SLCO1B1: variants seen among roughly 807,000 people sequenced by gnomAD.
The protein encoded by SLCO1B1 is OATP-2.
Under a neutral mutation model 70.1 loss-of-function variants are expected in SLCO1B1, and 81 were observed. The ratio of observed to expected loss-of-function variants is 1.16; its 90% CI spans 0.97 to 1.39. SLCO1B1 has a LOEUF of 1.39. Among genes scored for constraint, SLCO1B1 ranks in the 40% most tolerant of loss-of-function variants. SLCO1B1 has a pLI of 0.00. For missense variants in SLCO1B1, 895 were observed against 799.6 expected (o/e 1.12, Z -1.44); for synonymous variants, 283 against 271.5 (o/e 1.04, Z -0.42).
At chr12:21,163,942 G>GA (rs10718437) in intron 2 of SLCO1B1, among the ~76,000 whole-genome samples, 184 of 146,268 alleles carry the variant, frequency 1.3e-3, no homozygotes, top group East Asian at 3.4e-3. Flanking sequence ...ACAAATCACT[G>GA]AAAAAAAAAA....
chr12:21,199,605 A>T (rs1458046571), intron 8 of SLCO1B1, among the ~76,000 whole-genome samples: 1 of 152,170 alleles, frequency 6.6e-6, no homozygotes, highest in African/African-American at 2.4e-5. Flanking sequence ...CTGAGTCCTC[A>T]TACTAAATTA....
intron 14 of SLCO1B1, among the ~76,000 whole-genome samples, chr12:21,234,523 G>A (rs977418490): frequency 7.2e-5 from 11 of 151,998 alleles, no homozygotes; most frequent in East Asian, 1.9e-4. Context: ...TTTTAAACTC[G>A]AAGCTATAAA....
intron 12 of SLCO1B1, among the ~76,000 whole-genome samples, chr12:21,220,705 G>A (rs1358502257): frequency 6.6e-6 from 1 of 151,886 alleles, no homozygotes; most frequent in Non-Finnish European, 1.5e-5. Flanking sequence ...ATAAGTAACT[G>A]TGTCAAGGGC....
At position 21,142,637 on chromosome 12, in the gene SLCO1B1, A is replaced by G. The variant is rs944312435; in HGVS notation, c.84+979A>G. Among the ~76,000 whole-genome samples, 7 of 152,120 alleles carry G rather than the reference A, an allele frequency of 4.6e-5. No individual in the cohort carries two copies. In the South Asian group the frequency reaches 1.4e-3, roughly 32 times the overall value. ...TGTTTGTTTTCTGAGATTACTGATA[A>G]AGCCTTCTCTGATGAAATATTTGAG... is the stretch of plus-strand genomic sequence containing the variant. On this transcript the variant is annotated intron_variant, in intron 2 of 14. Transcript: ENST00000256958.
At position 21,174,563 on chromosome 12, in the gene SLCO1B1, T is replaced by A. The variant is rs755571702; in HGVS notation, c.227-14T>A. ...GAACTAAGCTGTATCAACATAATTT[T>A]GTTCCCTTTCTAGGAAATTTGCTTG... is the stretch of plus-strand genomic sequence containing the variant. On this transcript the variant is annotated splice_polypyrimidine_tract_variant and intron_variant, in intron 3 of 14. Coordinates refer to ENST00000256958, the MANE Select transcript of SLCO1B1 (RefSeq NM_006446.5). The A allele has an allele frequency of 8.7e-6, 14 of 1,612,612 alleles. No individual in the cohort carries two copies.
In SLCO1B1 at chr12:21,207,392, C is replaced by G. The variant is rs377677611; in HGVS notation, c.1497+1359C>G. On this transcript the variant is annotated intron_variant, in intron 11 of 14. Transcript: ENST00000256958. ...ACTTATAAGTGAGAACATGTGGCAT[C>G]TGGTTTTCTGTTCCTATGTTAATTC... 1.3e-5 allele frequency among the ~76,000 whole-genome samples: 2 copies of G among 151,988 alleles called. 1 individual carries two copies. The highest frequency in any genetic ancestry group is 4.8e-5 in the African/African-American group (2 of 41,522).
Position 21,174,687 on chromosome 12 carries a change from T to G in SLCO1B1, c.337T>G (p.Leu113Val). The change falls in exon 4 of 15, where the codon TTG becomes GTG. Residue 113 changes from leucine (L) to valine (V), a missense_variant. Transcript: ENST00000256958. ...GGGAATTGGAGGTGTTTTGACTGCT[T>G]TGCCACATTTCTTCATGGGATAGTA... ...IMGIGGVLTA[L>V]PHFFMGYYRY... 6.2e-7 allele frequency: 1 copy of G among 1,612,394 alleles called. No homozygotes were observed. Among genetic ancestry groups the G allele is most frequent in the Non-Finnish European group, 8.5e-7 (1 of 1,179,550 alleles).
intron 11 of SLCO1B1, among the ~76,000 whole-genome samples, chr12:21,209,611 C>G (rs906877789): frequency 2.1e-4 from 32 of 152,088 alleles, no homozygotes; most frequent in African/African-American, 7.2e-4. Flanking sequence ...ATTTCCAGTT[C>G]TAGATCTCTG....
intron 11 of SLCO1B1, among the ~76,000 whole-genome samples, chr12:21,209,781 G>C (rs1267244672): frequency 6.6e-6 from 1 of 151,416 alleles, no homozygotes; most frequent in Non-Finnish European, 1.5e-5. Flanking sequence ...TCTCATTGTG[G>C]TTTTGATTTG....
At chr12:21,150,434 T>C (rs1940455504) in intron 2 of SLCO1B1, among the ~76,000 whole-genome samples, 1 of 152,078 alleles carries the variant, frequency 6.6e-6, no homozygotes, top group Non-Finnish European at 1.5e-5. Flanking sequence ...AGACACCTCA[T>C]GCAGGAGAGT....
At chr12:21,139,488 C>G (rs1039646736) in intron 1 of SLCO1B1, among the ~76,000 whole-genome samples, 1 of 151,970 alleles carries the variant, frequency 6.6e-6, no homozygotes, top group Non-Finnish European at 1.5e-5. Flanking sequence ...GTGATAATAT[C>G]CTGTTTGTTA....
At chr12:21,199,810 T>C (rs1941135197) in intron 8 of SLCO1B1, among the ~76,000 whole-genome samples, 1 of 152,098 alleles carries the variant, frequency 6.6e-6, no homozygotes, top group African/African-American at 2.4e-5. Flanking sequence ...TGTTTGTTTG[T>C]TTGTTTGAGA....
intron 2 of SLCO1B1, among the ~76,000 whole-genome samples, chr12:21,156,460 A>G (rs1940544360): frequency 6.6e-6 from 1 of 152,112 alleles, no homozygotes; most frequent in Non-Finnish European, 1.5e-5. Flanking sequence ...AAATTAATCA[A>G]ATCAGCACAG....
intron 5 of SLCO1B1, among the ~76,000 whole-genome samples, chr12:21,177,432 G>A (rs1220451815): frequency 6.6e-6 from 1 of 151,948 alleles, no homozygotes; most frequent in Non-Finnish European, 1.5e-5. Flanking sequence ...ATCATTTAAA[G>A]ACTTTTTGCC....
At chr12:21,197,243 A>G (rs1367602814) in intron 8 of SLCO1B1, 55 bp downstream of exon 8, 1 of 1,593,490 alleles carries the variant, frequency 6.3e-7, no homozygotes, top group Non-Finnish European at 8.6e-7. Flanking sequence ...ATGAAAAGGA[A>G]GAATGAGTAT....
At chr12:21,192,567 T>G (rs1941043514) in intron 7 of SLCO1B1, among the ~76,000 whole-genome samples, 1 of 151,974 alleles carries the variant, frequency 6.6e-6, no homozygotes, top group Non-Finnish European at 1.5e-5. Context: ...CTAATGTTTT[T>G]TTTTCCATAT....
At chr12:21,209,971 A>T (rs1223229163) in intron 11 of SLCO1B1, among the ~76,000 whole-genome samples, 1 of 151,880 alleles carries the variant, frequency 6.6e-6, no homozygotes, top group Non-Finnish European at 1.5e-5. Flanking sequence ...CCTTTGTCAG[A>T]TGAGTAGGTT....
chr12:21,195,895 A>G (rs1388340578), intron 7 of SLCO1B1, among the ~76,000 whole-genome samples: 1 of 152,202 alleles, frequency 6.6e-6, no homozygotes, highest in African/African-American at 2.4e-5. Context: ...TTGGATGTGC[A>G]GTCTCACTCT....
At chr12:21,134,331 G>T (rs9739284) in intron 1 of SLCO1B1, among the ~76,000 whole-genome samples, 1 of 152,122 alleles carries the variant, frequency 6.6e-6, no homozygotes, top group African/African-American at 2.4e-5. Flanking sequence ...TTGGTATCAG[G>T]ATGATGCTGG....
Sources: gnomAD v4.1 joint callset for allele counts (sites outside exome capture counted in the v4.1 genomes callset) on GRCh38, gnomAD v4.1.1 for gene constraint, MANE v1.5 for transcripts, NCBI Gene and HGNC (gene_info 2026-07-23, HGNC 2026-07-21) for gene names.